CCDC39: variants seen among roughly 807,000 people sequenced by gnomAD.
The protein encoded by CCDC39 is coiled-coil domain 39 molecular ruler complex subunit.
In CCDC39, 113 loss-of-function variants were observed where a neutral mutation model predicts 121.0. The ratio of observed to expected loss-of-function variants is 0.93; its 90% confidence interval spans 0.80 to 1.09. The LOEUF (loss-of-function observed/expected upper bound fraction) is 1.09. Ranked by LOEUF, CCDC39 falls within the 50% of genes least tolerant of loss-of-function variation. The probability of loss-of-function intolerance (pLI) is 0.00; values close to 1 mark genes in which losing one functional copy is unlikely to be tolerated. For missense variants in CCDC39, 1,063 were observed against 1,074.7 expected (o/e 0.99, Z 0.15); for synonymous variants, 349 against 352.2 (o/e 0.99, Z 0.10).
intron 13 of CCDC39, among the ~76,000 whole-genome samples, chr3:180,632,866 A>T (rs1419053353): frequency 6.6e-6 from 1 of 152,220 alleles, no homozygotes; most frequent in Non-Finnish European, 1.5e-5. Flanking sequence ...ACTCTGGGCC[A>T]TTCCCCTCAA....
chr3:180,675,700 C>CA (rs1712177455), intron 1 of CCDC39, among the ~76,000 whole-genome samples: 3 of 151,790 alleles, frequency 2.0e-5, no homozygotes, highest in African/African-American at 7.3e-5. Flanking sequence ...TCATTGAAGC[C>CA]AAAAAAACAA....
intron 13 of CCDC39, among the ~76,000 whole-genome samples, chr3:180,636,866 T>A (rs1717841676): frequency 6.6e-6 from 1 of 152,178 alleles, no homozygotes; most frequent in African/African-American, 2.4e-5. Context: ...CTGGGATAAC[T>A]TGCTAGCCAT....
chr3:180,633,897 A>G (rs889400406), intron 13 of CCDC39, among the ~76,000 whole-genome samples: 2 of 152,136 alleles, frequency 1.3e-5, no homozygotes. Context: ...ATGGCTGAGC[A>G]TACCCACTGG....
At chr3:180,630,486 G>A (rs1481105204) in intron 14 of CCDC39, among the ~76,000 whole-genome samples, 4 of 152,096 alleles carry the variant, frequency 2.6e-5, no homozygotes, top group African/African-American at 9.7e-5. Flanking sequence ...AGAAATCAAA[G>A]GGAGAGAGCA....
chr3:180,660,358 C>A (rs1425738223), intron 4 of CCDC39, among the ~76,000 whole-genome samples: 1 of 152,034 alleles, frequency 6.6e-6, no homozygotes, highest in Admixed American at 6.6e-5. Context: ...ATCAGAGAAT[C>A]TATGAAACAG....
chr3:180,661,608 G>A (rs1404742269), intron 3 of CCDC39, among the ~76,000 whole-genome samples: 1 of 152,076 alleles, frequency 6.6e-6, no homozygotes, highest in Non-Finnish European at 1.5e-5. Flanking sequence ...ATAACAGGCA[G>A]CAAGCATGGT....
chr3:180,666,399 C>G (rs911624535), intron 1 of CCDC39, among the ~76,000 whole-genome samples: 2 of 152,012 alleles, frequency 1.3e-5, no homozygotes, highest in African/African-American at 4.8e-5. Flanking sequence ...TATGTTTTTA[C>G]TTTTATTGTA....
chr3:180,650,360 A>G (rs1195073736), intron 9 of CCDC39, among the ~76,000 whole-genome samples: 3 of 152,218 alleles, frequency 2.0e-5, no homozygotes, highest in African/African-American at 7.2e-5. Context: ...GATGATAAAG[A>G]AGTACAAATC....
intron 12 of CCDC39, among the ~76,000 whole-genome samples, chr3:180,642,500 C>T (rs1323622531): frequency 1.3e-5 from 2 of 151,820 alleles, no homozygotes; most frequent in African/African-American, 4.8e-5. Context: ...AAACATAAAG[C>T]CCTATGAATG....
intron 3 of CCDC39, among the ~76,000 whole-genome samples, chr3:180,661,026 C>CA (rs1711729628): frequency 6.6e-6 from 1 of 151,936 alleles, no homozygotes; most frequent in Non-Finnish European, 1.5e-5. Flanking sequence ...TCCCTCACAG[C>CA]AACTGCATTA....
intron 1 of CCDC39, among the ~76,000 whole-genome samples, chr3:180,665,142 T>C (rs534195826): frequency 2.5e-4 from 38 of 152,298 alleles, no homozygotes; most frequent in African/African-American, 7.7e-4. Context: ...TCAAACCCCA[T>C]TGAACTGGGC....
intron 9 of CCDC39, among the ~76,000 whole-genome samples, chr3:180,651,187 C>A (rs1013511637): frequency 1.3e-4 from 20 of 150,714 alleles, no homozygotes; most frequent in Non-Finnish European, 2.1e-4. Context: ...AAGAGCCAGA[C>A]TTCATCACAA....
chr3:180,653,813 T>A (rs1401490520), intron 7 of CCDC39, among the ~76,000 whole-genome samples: 1 of 152,168 alleles, frequency 6.6e-6, no homozygotes, highest in Non-Finnish European at 1.5e-5. Context: ...TTATATAAAA[T>A]GACATGTATT....
chr3:180,628,590 C>G (rs535441187), intron 14 of CCDC39, among the ~76,000 whole-genome samples: 1 of 152,182 alleles, frequency 6.6e-6, no homozygotes, highest in South Asian at 2.1e-4. Context: ...AAAGGGTCAA[C>G]AAGCTTTGTC....
At chr3:180,667,567 C>G (rs1711918114) in intron 1 of CCDC39, among the ~76,000 whole-genome samples, 1 of 152,094 alleles carries the variant, frequency 6.6e-6, no homozygotes, top group African/African-American at 2.4e-5. Flanking sequence ...TGGGGTGCCA[C>G]AAACCGTGCC....
At position 180,668,884 on chromosome 3, in the gene CCDC39, G is replaced by C. The variant is rs114188045; in HGVS notation, c.91-4898C>G. ...TACAAGAGTTTTAGATTTGTATGGA[G>C]TTATATCTGTCAGTCCTTTCTTTGG... On this transcript the variant is annotated intron_variant, in intron 1 of 19. Coordinates refer to ENST00000476379, the MANE Select transcript of CCDC39 (RefSeq NM_181426.2). Among the ~76,000 whole-genome samples, 1,341 of 152,254 alleles carry C rather than the reference G, an allele frequency of 8.8e-3. 8 individuals are homozygous for C. Among genetic ancestry groups the C allele is most frequent in the Non-Finnish European group, 0.015 (1,023 of 68,018 alleles).
intron 13 of CCDC39, among the ~76,000 whole-genome samples, chr3:180,639,862 G>T (rs147783988): frequency 3.1e-4 from 47 of 151,964 alleles, no homozygotes; most frequent in African/African-American, 1.1e-3. Flanking sequence ...CTAGCTCTTA[G>T]AGAAAAAGTG....
chr3:180,646,120 C>G (rs1169580087), intron 11 of CCDC39, among the ~76,000 whole-genome samples: 1 of 151,974 alleles, frequency 6.6e-6, no homozygotes, highest in Non-Finnish European at 1.5e-5. Context: ...AACTAGAGCT[C>G]AGAAAATTTA....
chr3:180,633,426 A>G (rs931162902), intron 13 of CCDC39, among the ~76,000 whole-genome samples: 2 of 152,210 alleles, frequency 1.3e-5, no homozygotes, highest in Non-Finnish European at 2.9e-5. Flanking sequence ...CCATAAAACA[A>G]GATGGGCTGC....
Sources: allele counts gnomAD v4.1 joint callset (sites outside exome capture counted in the v4.1 genomes callset), GRCh38; gene constraint gnomAD v4.1.1; transcripts MANE v1.5; gene names NCBI Gene and HGNC (gene_info 2026-07-23, HGNC 2026-07-21).